Variants in WWOX observed in about 807,000 individuals in gnomAD.
WWOX encodes WW domain containing oxidoreductase.
Under a neutral mutation model 46.2 loss-of-function variants are expected in WWOX, and 69 were observed. That is an observed-to-expected ratio of 1.49 (90% CI 1.23 to 1.82). The LOEUF is 1.82. WWOX is among the 40% of genes most tolerant of loss of function. The pLI is 0.00. For synonymous variants in WWOX, 359 were observed against 202.6 expected, an observed-to-expected ratio of 1.77 and a Z score of -6.56; for missense variants, 919 against 542.6, an observed-to-expected ratio of 1.69 and a Z score of -6.89.
intron 6 of WWOX, among the ~76,000 whole-genome samples, chr16:78,420,527 G>A (rs1324507043): frequency 4.6e-5 from 7 of 152,138 alleles, no homozygotes; most frequent in Admixed American, 2.6e-4. Flanking sequence ...AAAAGACTAC[G>A]TATTGTATGG....
intron 8 of WWOX, chr16:78,503,786 G>A (rs1051860618): frequency 1.3e-5 from 2 of 152,290 alleles, no homozygotes; most frequent in Middle Eastern, 3.4e-3. Context: ...TTCCTTCCAA[G>A]AAGGATTCAT....
At chr16:79,109,193 A>G (rs10221020) in intron 8 of WWOX, among the ~76,000 whole-genome samples, 3 of 152,210 alleles carry the variant, frequency 2.0e-5, no homozygotes, top group Non-Finnish European at 4.4e-5. Flanking sequence ...TGTAAACTGT[A>G]CTAAGCCGAA....
intron 8 of WWOX, among the ~76,000 whole-genome samples, chr16:78,857,746 C>T (rs967221580): frequency 6.6e-6 from 1 of 152,182 alleles, no homozygotes; most frequent in African/African-American, 2.4e-5. Flanking sequence ...GACTCATGCT[C>T]ATAACTCGAT....
chr16:78,887,914 A>G (rs904655193), intron 8 of WWOX, among the ~76,000 whole-genome samples: 3 of 152,152 alleles, frequency 2.0e-5, no homozygotes, highest in Admixed American at 6.5e-5. Context: ...CTTCTTAATG[A>G]GGGGATGAAT....
chr16:78,903,315 G>A (rs1449139571), intron 8 of WWOX, among the ~76,000 whole-genome samples: 2 of 152,158 alleles, frequency 1.3e-5, no homozygotes, highest in Non-Finnish European at 2.9e-5. Context: ...ACATCTGATT[G>A]GTTTTGGAAA....
intron 4 of WWOX, among the ~76,000 whole-genome samples, chr16:78,117,888 C>T (rs1037650859): frequency 2.0e-5 from 3 of 152,044 alleles, no homozygotes; most frequent in African/African-American, 7.2e-5. Context: ...CTGTGAATGT[C>T]CGTTTTCTCT....
chr16:78,639,542 C>T (rs1428010601), intron 8 of WWOX, among the ~76,000 whole-genome samples: 1 of 151,294 alleles, frequency 6.6e-6, no homozygotes, highest in Non-Finnish European at 1.5e-5. Context: ...GAGAGGCCTC[C>T]CCTCAGACTC....
chr16:79,098,095 G>A (rs1419994508), intron 8 of WWOX, among the ~76,000 whole-genome samples: 1 of 152,094 alleles, frequency 6.6e-6, no homozygotes, highest in Non-Finnish European at 1.5e-5. Flanking sequence ...TTTTGAGCTG[G>A]AAGAAACTTG....
At chr16:79,104,055 T>TGGGG (rs2049259118) in intron 8 of WWOX, among the ~76,000 whole-genome samples, 4 of 16,546 alleles carry the variant, frequency 2.4e-4, no homozygotes, top group South Asian at 3.6e-3. Flanking sequence ...GGGGGGCGGG[T>TGGGG]GGTGGGGGTA....
intron 1 of WWOX, among the ~76,000 whole-genome samples, chr16:78,105,498 A>G (rs956055121): frequency 1.3e-5 from 2 of 151,574 alleles, no homozygotes; most frequent in Admixed American, 6.6e-5. Context: ...AAGTGCCACC[A>G]GCAGTGAGAA....
At chr16:78,742,251 A>G (rs990985578) in intron 8 of WWOX, among the ~76,000 whole-genome samples, 1 of 152,220 alleles carries the variant, frequency 6.6e-6, no homozygotes, top group Non-Finnish European at 1.5e-5. Context: ...ATAATAGTCC[A>G]TGATCAAGGC....
rs546839604 is a variant in WWOX, at chr16:78,495,557, G to A, written c.1056+62805G>A. Among the ~76,000 whole-genome samples the A allele has an allele frequency of 4.8e-4, 72 of 148,774 alleles. 1 individual carries two copies. Among genetic ancestry groups the A allele is most frequent in the Non-Finnish European group, 9.2e-4 (62 of 67,650 alleles). ...GGAGTCTCACTTTGTCACCTAGGCT[G>A]GAGTGCAGTGGTGTGATCTCAGCTC... On this transcript the variant is annotated intron_variant, in intron 8 of 8. Coordinates refer to ENST00000566780, the MANE Select transcript of WWOX (RefSeq NM_016373.4).
At position 78,331,966 on chromosome 16, in the gene WWOX, C is replaced by G. The variant is rs535834501; in HGVS notation, c.517-54894C>G. On this transcript the variant is annotated intron_variant, in intron 5 of 8. Transcript: ENST00000566780. The stretch of plus-strand genomic sequence containing the variant: ...GGAATTTGAACCAGGCTAGCTGACT[C>G]CAAAGCTGTGTCCTCAAGCAGTACA... Among the ~76,000 whole-genome samples, 13 of 152,208 alleles carry G rather than the reference C, an allele frequency of 8.5e-5. No individual in the cohort carries two copies. In the South Asian group the frequency reaches 2.3e-3, roughly 27 times the overall value.
chr16:78,933,116 A>G (rs1244015561), intron 8 of WWOX, among the ~76,000 whole-genome samples: 1 of 152,184 alleles, frequency 6.6e-6, no homozygotes, highest in Admixed American at 6.5e-5. Context: ...ACCATCTCCC[A>G]TAGGAGACTC....
chr16:78,124,458 T>C (rs2042356), intron 4 of WWOX: 88,245 of 151,982 alleles, frequency 0.58, 25,728 homozygotes, highest in East Asian at 0.76. Context: ...TATACATGAG[T>C]AGATATGAAT....
chr16:78,317,857 C>G (rs535619761), intron 5 of WWOX, among the ~76,000 whole-genome samples: 1 of 152,164 alleles, frequency 6.6e-6, no homozygotes, highest in Non-Finnish European at 1.5e-5. Flanking sequence ...TACTATCATT[C>G]ATTTTCACTC....
chr16:79,138,034 A>G (rs921112488), intron 8 of WWOX, among the ~76,000 whole-genome samples: 3 of 152,226 alleles, frequency 2.0e-5, no homozygotes, highest in African/African-American at 7.2e-5. Flanking sequence ...AACTGTTTCC[A>G]TGGACCCTGT....
chr16:78,452,692 TA>T (rs2083721657), intron 8 of WWOX, among the ~76,000 whole-genome samples: 1 of 150,780 alleles, frequency 6.6e-6, no homozygotes, highest in South Asian at 2.1e-4. Context: ...GCCAGGCTGG[TA>T]TCGAATTCCT....
chr16:78,953,312 G>T (rs1010181904), intron 8 of WWOX, among the ~76,000 whole-genome samples: 1 of 151,320 alleles, frequency 6.6e-6, no homozygotes, highest in Non-Finnish European at 1.5e-5. Context: ...GGGGGTGGGG[G>T]GCATGTTTAA....
Sources: allele counts gnomAD v4.1 joint callset (sites outside exome capture counted in the v4.1 genomes callset), GRCh38; gene constraint gnomAD v4.1.1; transcripts MANE v1.5; gene names NCBI Gene and HGNC (gene_info 2026-07-23, HGNC 2026-07-21).